FRMPD4: variants seen among roughly 807,000 people sequenced by gnomAD.
FRMPD4 encodes FERM and PDZ domain-containing protein 4.
A neutral mutation model predicts 94.1 loss-of-function variants in FRMPD4; 22 were observed. The ratio of observed to expected loss-of-function variants is 0.23; its 90% confidence interval spans 0.17 to 0.33. FRMPD4 has a LOEUF of 0.33. Ranked by LOEUF, FRMPD4 falls within the 10% of genes least tolerant of loss-of-function variation. FRMPD4 has a pLI of 1.00. For synonymous variants in FRMPD4, 631 were observed against 548.6 expected, an observed-to-expected ratio of 1.15 and a Z score of -2.10; for missense variants, 1,111 against 1,339.9, an observed-to-expected ratio of 0.83 and a Z score of 2.67.
intron 3 of FRMPD4, among the ~76,000 whole-genome samples, chrX:11,925,920 G>GA (rs1214444054): frequency 1.8e-5 from 2 of 111,117 alleles, no homozygotes; most frequent in Non-Finnish European, 3.8e-5. Flanking sequence ...ATTGAGACAT[G>GA]AAAAACCATT....
intron 4 of FRMPD4, among the ~76,000 whole-genome samples, chrX:12,643,742 C>T (rs1453423993): frequency 8.9e-6 from 1 of 111,885 alleles, no homozygotes; most frequent in Non-Finnish European, 1.9e-5. Flanking sequence ...CTGGAAGTAG[C>T]GGAAATAACG....
At chrX:12,397,686 G>A (rs937846233) in intron 1 of FRMPD4, among the ~76,000 whole-genome samples, 1 of 111,039 alleles carries the variant, frequency 9.0e-6, no homozygotes, top group African/African-American at 3.3e-5. Flanking sequence ...TCAGCCTCTC[G>A]CCTCCCTCTT....
intron 1 of FRMPD4, among the ~76,000 whole-genome samples, chrX:11,847,885 G>T (rs1247807160): frequency 1.4e-5 from 1 of 72,113 alleles, no homozygotes; most frequent in Non-Finnish European, 2.5e-5. Flanking sequence ...ACTGTTGTGG[G>T]GTCGGGGGAG....
At chrX:12,031,281 G>T (rs2054689983) in intron 3 of FRMPD4, among the ~76,000 whole-genome samples, 1 of 111,933 alleles carries the variant, frequency 8.9e-6, no homozygotes, top group Non-Finnish European at 1.9e-5. Context: ...ATGCTATTCA[G>T]AAAAAAGTGT....
intron 8 of FRMPD4, among the ~76,000 whole-genome samples, chrX:12,690,891 C>G (rs1446848629): frequency 8.9e-6 from 1 of 111,744 alleles, no homozygotes; most frequent in Admixed American, 9.5e-5. Context: ...TTCAGCGCAG[C>G]ACCCTGATTT....
At chrX:12,160,719 T>G (rs1569174308) in intron 1 of FRMPD4, among the ~76,000 whole-genome samples, 1 of 111,597 alleles carries the variant, frequency 9.0e-6, no homozygotes, top group Non-Finnish European at 1.9e-5. Context: ...ATCACATTCT[T>G]TAGAATATCC....
chrX:12,296,851 A>G (rs1601790933), intron 1 of FRMPD4, among the ~76,000 whole-genome samples: 1 of 112,097 alleles, frequency 8.9e-6, no homozygotes, highest in East Asian at 2.8e-4. Context: ...AGGGACATAT[A>G]TAGCTGGGCA....
At chrX:12,077,187 C>G (rs1193563596) in intron 3 of FRMPD4, among the ~76,000 whole-genome samples, 1 of 112,219 alleles carries the variant, frequency 8.9e-6, no homozygotes, top group Admixed American at 9.5e-5. Context: ...CATCTGCCTC[C>G]TCCATCGCAA....
chrX:12,203,829 C>T (rs760955327), intron 1 of FRMPD4, among the ~76,000 whole-genome samples: 5 of 112,062 alleles, frequency 4.5e-5, no homozygotes, highest in South Asian at 3.7e-4. Flanking sequence ...TTTAAAGAAG[C>T]GAATCCATCT....
chrX:12,100,757 G>C (rs960692166), intron 3 of FRMPD4, among the ~76,000 whole-genome samples: 5 of 111,644 alleles, frequency 4.5e-5, no homozygotes, highest in Non-Finnish European at 9.4e-5. Flanking sequence ...TCTTAATGGA[G>C]AGCATTTGTA....
intron 1 of FRMPD4, among the ~76,000 whole-genome samples, chrX:12,221,137 T>C (rs2056861592): frequency 8.9e-6 from 1 of 112,526 alleles, no homozygotes; most frequent in Non-Finnish European, 1.9e-5. Context: ...GGTACTTGTC[T>C]TTCTAATTTT....
In FRMPD4 at chrX:12,701,858, G is replaced by A. The variant is rs758952929; in HGVS notation, c.934-16G>A. Reference sequence around the variant, plus strand: ...TATTCTTTGACAAGCTGTGCCCCCTGCTGGTCTCTTCGCAGAGTTGTAACG... The same window carrying A: ...TATTCTTTGACAAGCTGTGCCCCCTACTGGTCTCTTCGCAGAGTTGTAACG... On this transcript the variant is annotated splice_polypyrimidine_tract_variant and intron_variant, in intron 9 of 16. Coordinates refer to ENST00000675598, the MANE Select transcript of FRMPD4 (RefSeq NM_001368397.1). The A allele has an allele frequency of 8.3e-7, 1 of 1,210,160 alleles. No homozygotes were observed. Among genetic ancestry groups the A allele is most frequent in the East Asian group, 3.0e-5 (1 of 33,835 alleles).
intron 3 of FRMPD4, among the ~76,000 whole-genome samples, chrX:11,913,303 C>G (rs1442305674): frequency 8.9e-6 from 1 of 112,292 alleles, no homozygotes; most frequent in Non-Finnish European, 1.9e-5. Context: ...GAGTGCTGGT[C>G]TGGACCTAAG....
At chrX:11,844,946 G>T (rs4645719) in intron 1 of FRMPD4, among the ~76,000 whole-genome samples, 306 of 111,411 alleles carry the variant, frequency 2.7e-3, no homozygotes, top group African/African-American at 9.7e-3. Flanking sequence ...TTTAAATTTA[G>T]ATGTTCTGGT....
At chrX:12,438,070 T>G (rs1256446650) in intron 1 of FRMPD4, among the ~76,000 whole-genome samples, 3 of 111,661 alleles carry the variant, frequency 2.7e-5, no homozygotes, top group Non-Finnish European at 5.6e-5. Flanking sequence ...TTTGTGATTT[T>G]GCAGCCCTAA....
chrX:12,667,734 T>C (rs1361225445), intron 4 of FRMPD4, among the ~76,000 whole-genome samples: 3 of 111,829 alleles, frequency 2.7e-5, no homozygotes, highest in Middle Eastern at 4.2e-3. Context: ...TCTAAAACCA[T>C]TGATGCTGGT....
At chrX:11,919,528 C>G (rs1461141631) in intron 3 of FRMPD4, among the ~76,000 whole-genome samples, 1 of 109,207 alleles carries the variant, frequency 9.2e-6, no homozygotes, top group Non-Finnish European at 1.9e-5. Flanking sequence ...CTTCAGGGAA[C>G]TTCTAGGGAG....
chrX:12,531,622 C>T (rs781763454), intron 2 of FRMPD4, among the ~76,000 whole-genome samples: 2 of 111,671 alleles, frequency 1.8e-5, no homozygotes, highest in Non-Finnish European at 3.8e-5. Flanking sequence ...TGGCAAGGTT[C>T]TTAAGGTATC....
intron 1 of FRMPD4, among the ~76,000 whole-genome samples, chrX:12,359,748 G>A (rs763256133): frequency 2.7e-5 from 3 of 112,073 alleles, no homozygotes; most frequent in Admixed American, 9.4e-5. Context: ...GATTACAGGC[G>A]TGAGCCACCG....
Sources: gnomAD v4.1 joint callset for allele counts (sites outside exome capture counted in the v4.1 genomes callset) on GRCh38, gnomAD v4.1.1 for gene constraint, MANE v1.5 for transcripts, NCBI Gene and HGNC (gene_info 2026-07-23, HGNC 2026-07-21) for gene names.